The following SH3BP2 variants were observed in gnomAD, a reference collection of about 807,000 sequenced individuals.
SH3BP2 encodes SH3 domain binding protein 2.
In SH3BP2, 38 loss-of-function variants were observed where a neutral mutation model predicts 56.2. The ratio of observed to expected loss-of-function variants is 0.68; its 90% CI spans 0.52 to 0.89. SH3BP2 has a LOEUF of 0.89. SH3BP2 is among the 40% of genes least tolerant of loss of function. The probability of loss-of-function intolerance (pLI) is 0.00; values close to 1 mark genes in which losing one functional copy is unlikely to be tolerated. For missense variants in SH3BP2, 748 were observed against 762.6 expected, an observed-to-expected ratio of 0.98 and a Z score of 0.23; for synonymous variants, 346 against 316.7, an observed-to-expected ratio of 1.09 and a Z score of -0.98.
At chr4:2,798,874 C>A in intron 1 of SH3BP2, 1 of 697,528 alleles carries the variant, frequency 1.4e-6, no homozygotes, top group Non-Finnish European at 1.8e-6. Context: ...GGGCATCCTC[C>A]GCCTTCTCTG....
At chr4:2,825,104 C>G in intron 4 of SH3BP2, 22 bp from the exon 5 acceptor site, 1 of 1,558,146 alleles carries the variant, frequency 6.4e-7, no homozygotes, top group Non-Finnish European at 8.7e-7. Flanking sequence ...ACCGTGCCCA[C>G]CACAGCCCCG....
Position 2,837,886 on chromosome 4 carries a change from C to T in SH3BP2, c.*4052C>T, listed in dbSNP as rs1017331929. Reference sequence around the variant, plus strand: ...GATGCTTGACAGACAACCCCCACCACCTCAGAAGTGTGTGTGAGTGGTGAA... The same window carrying T: ...GATGCTTGACAGACAACCCCCACCATCTCAGAAGTGTGTGTGAGTGGTGAA... On this transcript the variant is annotated 3_prime_UTR_variant, in exon 13 of 13. Transcript: ENST00000503393. 2 of 152,362 alleles carry T rather than the reference C, an allele frequency of 1.3e-5. No homozygotes were observed. The highest frequency in any genetic ancestry group is 4.8e-5 in the African/African-American group (2 of 41,426). 9.4% of individuals were successfully genotyped at this position (152,362 alleles called of 1,614,324 possible).
At chr4:2,803,027 G>A (rs1013319765) in intron 1 of SH3BP2, among the ~76,000 whole-genome samples, 12 of 152,266 alleles carry the variant, frequency 7.9e-5, no homozygotes, top group African/African-American at 2.7e-4. Context: ...GGCTGAGCCC[G>A]AGGTGTGTGC....
chr4:2,820,522 C>T (rs1228454043), intron 1 of SH3BP2, 92 bp from the exon 2 acceptor site: 1 of 1,517,556 alleles, frequency 6.6e-7, no homozygotes, highest in East Asian at 2.3e-5. Flanking sequence ...CAAGCTGTGT[C>T]CTGGATCTTG....
intron 5 of SH3BP2, chr4:2,826,666 CTGTG>C (rs200953901): frequency 1.5e-4 from 50 of 325,296 alleles, no homozygotes; most frequent in Non-Finnish European, 2.9e-5. Context: ...ACGTGTTGCT[CTGTG>C]TGTGTGCATG....
chr4:2,793,744 A>T (rs1722973538), intron 1 of SH3BP2: 1 of 152,214 alleles, frequency 6.6e-6, no homozygotes, highest in African/African-American at 2.4e-5. Flanking sequence ...ACTGGCGCTG[A>T]TTCACACTGA....
intron 1 of SH3BP2, among the ~76,000 whole-genome samples, chr4:2,807,070 C>T (rs116433694): frequency 2.4e-3 from 359 of 152,356 alleles, no homozygotes; most frequent in Middle Eastern, 0.01. Flanking sequence ...GGCCTCTGAG[C>T]CCCGAACACA....
chr4:2,806,919 T>C (rs1029422885), intron 1 of SH3BP2, among the ~76,000 whole-genome samples: 12 of 152,252 alleles, frequency 7.9e-5, no homozygotes, highest in Admixed American at 1.3e-4. Flanking sequence ...TTGGCCTTGC[T>C]CTCTGAAGCC....
intron 1 of SH3BP2, among the ~76,000 whole-genome samples, chr4:2,808,091 C>T (rs1335579718): frequency 8.1e-6 from 1 of 122,706 alleles, no homozygotes; most frequent in African/African-American, 3.6e-5. Flanking sequence ...ACACGAGGGG[C>T]CTGAAAACAA....
At chr4:2,812,078 G>A in intron 1 of SH3BP2, 2 of 979,006 alleles carry the variant, frequency 2.0e-6, no homozygotes, top group Non-Finnish European at 2.7e-6. Context: ...TGGAGCCAGA[G>A]AGCCCTGGCC....
At chr4:2,793,927 T>C (rs385715) in intron 1 of SH3BP2, among the ~76,000 whole-genome samples, 118,764 of 152,174 alleles carry the variant, frequency 0.78, 47,257 homozygotes, top group African/African-American at 0.93. Context: ...TCCCTGGGGG[T>C]ATTGAGGGCC....
chr4:2,826,798 A>C (rs900967902), intron 5 of SH3BP2: 5 of 398,298 alleles, frequency 1.3e-5, no homozygotes, highest in Middle Eastern at 3.6e-4. Context: ...GTGTGTGAAC[A>C]TGTGTGCTTG....
At chr4:2,824,232 G>C (rs1040357134) in intron 3 of SH3BP2, among the ~76,000 whole-genome samples, 1 of 152,216 alleles carries the variant, frequency 6.6e-6, no homozygotes, top group Non-Finnish European at 1.5e-5. Flanking sequence ...CAGGGCTGCT[G>C]CTGGGCCTCA....
intron 5 of SH3BP2, chr4:2,826,674 G>C: frequency 2.8e-6 from 1 of 353,750 alleles, no homozygotes; most frequent in South Asian, 2.1e-5. Flanking sequence ...CTCTGTGTGT[G>C]TGCATGTCCT....
rs150785584 is a variant in SH3BP2 at position 2,802,580 on chromosome 4, GTA to G, written c.-5+9450_-5+9451del. ...TGTATATATGTATATATGTGTATAT[GTA>G]TATATATGTTTGTATATATGTGTAT... On this transcript the variant is annotated intron_variant, in intron 1 of 12. Transcript: ENST00000503393. Among the ~76,000 whole-genome samples the G allele has an allele frequency of 3.2e-3, 446 of 137,260 alleles. 1 individual carries two copies. Among genetic ancestry groups the G allele is most frequent in the African/African-American group, 0.011 (383 of 33,616 alleles). 90.0% of individuals were successfully genotyped at this position (137,260 alleles called of 152,430 possible). A position where few individuals can be genotyped will look rare whatever the true frequency, so the allele number is the denominator to read the frequency against.
At chr4:2,793,407 C>G (rs1223265850) in intron 1 of SH3BP2, among the ~76,000 whole-genome samples, 1 of 150,012 alleles carries the variant, frequency 6.7e-6, no homozygotes, top group African/African-American at 2.5e-5. Flanking sequence ...TCGGGGGTCT[C>G]GGGTGCGCAG....
rs1723705319 is a variant in SH3BP2, at chr4:2,810,543, C to T, written c.-4-10071C>T. On this transcript the variant is annotated intron_variant, in intron 1 of 12. Transcript: ENST00000503393. This position sits in a 1 kb window ranked among gnomAD's most constrained non-coding sequence, Gnocchi z 4.2. ...GGCGTGTTCCTGAGAGCGCCGGCTG[C>T]CTCTGGGTTCTTATCTTCATGGGTT... 6.6e-6 allele frequency among the ~76,000 whole-genome samples: 1 copy of T among 151,958 alleles called. No individual in the cohort carries two copies. Among genetic ancestry groups the T allele is most frequent in the African/African-American group, 2.4e-5 (1 of 41,374 alleles).
intron 1 of SH3BP2, among the ~76,000 whole-genome samples, chr4:2,804,691 C>T (rs1203429675): frequency 1.3e-5 from 2 of 152,214 alleles, no homozygotes; most frequent in African/African-American, 4.8e-5. Context: ...TGGTGGGCTT[C>T]CTTCTGAGAG....
At chr4:2,807,957 C>T (rs770095090) in intron 1 of SH3BP2, among the ~76,000 whole-genome samples, 51 of 152,312 alleles carry the variant, frequency 3.3e-4, no homozygotes, top group Non-Finnish European at 6.6e-4. Flanking sequence ...GAGCCTGTCT[C>T]TCCCTGACAG....
Sources: gnomAD v4.1 joint callset for allele counts (sites outside exome capture counted in the v4.1 genomes callset) on GRCh38, gnomAD v4.1.1 for gene constraint, Gnocchi (gnomAD v3.1) non-coding constraint, MANE v1.5 for transcripts, NCBI Gene and HGNC (gene_info 2026-07-23, HGNC 2026-07-21) for gene names.